PSMG2: variants seen among roughly 807,000 people sequenced by gnomAD.
PSMG2 encodes the protein CD40 ligand-activated specific transcript 3.
PSMG2 carries 21 observed loss-of-function variants against 31.5 expected under a neutral mutation model. That is an observed-to-expected ratio of 0.67 (90% CI 0.47 to 0.96). The LOEUF (loss-of-function observed/expected upper bound fraction) is 0.96. PSMG2 is among the 40% of genes least tolerant of loss of function. The probability of loss-of-function intolerance (pLI) is 0.00; values close to 1 mark genes in which losing one functional copy is unlikely to be tolerated. For synonymous variants in PSMG2, 120 were observed against 110.4 expected, an observed-to-expected ratio of 1.09 and a Z score of -0.54; for missense variants, 318 against 321.2, an observed-to-expected ratio of 0.99 and a Z score of 0.08.
chr18:12,695,851 T>C, intron 1 of PSMG2, among the ~76,000 whole-genome samples: 1 of 110,680 alleles, frequency 9.0e-6, no homozygotes. Context: ...TCATTCCTTC[T>C]CCACACACAC....
upstream of PSMG2, chr18:12,701,095 T>C (rs1214780685): frequency 6.2e-7 from 1 of 1,612,894 alleles, no homozygotes; most frequent in East Asian, 2.2e-5. Context: ...ATTTCTCTTA[T>C]TCTACCATGG....
intron 5 of PSMG2, 60 bp downstream of exon 5, chr18:12,720,743 T>A (rs2040423071): frequency 7.2e-6 from 11 of 1,520,726 alleles, no homozygotes. Flanking sequence ...ATTAATGCAG[T>A]GAGCTGAGAT....
At chr18:12,658,740 G>T (rs1190323073) in exon 1 of PSMG2, 2 of 399,634 alleles carry the variant, frequency 5.0e-6, no homozygotes, top group Non-Finnish European at 1.1e-5. Context: ...TTTCTTGCTG[G>T]TTGAATACCT....
At chr18:12,697,338 G>C (rs201817627) in intron 1 of PSMG2, 45 of 1,613,490 alleles carry the variant, frequency 2.8e-5, no homozygotes, top group Non-Finnish European at 3.6e-5. Flanking sequence ...TGTCTGTTTT[G>C]ATTAGCACCA....
chr18:12,680,325 G>A (rs966264307), intron 1 of PSMG2, among the ~76,000 whole-genome samples: 4 of 152,144 alleles, frequency 2.6e-5, no homozygotes, highest in African/African-American at 9.7e-5. Context: ...GCCGGACACA[G>A]TGGCTCACGC....
Position 12,709,007 on chromosome 18 carries a change from G to A in PSMG2, c.229+2286G>A, listed in dbSNP as rs538037509. On this transcript the variant is annotated intron_variant, in intron 2 of 6. Transcript: ENST00000317615. ...GATTACAGGTGTGAGGAGCAACTGCGCCCGGCCCCCGTAAACTTTATTTTA... is the reference window on the plus strand; with the variant it reads ...GATTACAGGTGTGAGGAGCAACTGCACCCGGCCCCCGTAAACTTTATTTTA... Among the ~76,000 whole-genome samples, 46 of 151,448 alleles carry A rather than the reference G, an allele frequency of 3.0e-4. No homozygotes were observed. The South Asian group carries it at 3.6e-3, about 12-fold the overall frequency.
At chr18:12,714,753 C>G (rs2040362427) in intron 3 of PSMG2, among the ~76,000 whole-genome samples, 1 of 151,912 alleles carries the variant, frequency 6.6e-6, no homozygotes, top group Non-Finnish European at 1.5e-5. Flanking sequence ...TCAGCTTCCC[C>G]AAAGTGCAAT....
chr18:12,674,649 A>C (rs1389283311), intron 1 of PSMG2: 1 of 1,613,918 alleles, frequency 6.2e-7, no homozygotes, highest in Non-Finnish European at 8.5e-7. Flanking sequence ...GAAATTCTTC[A>C]TTGCCTGCTG....
upstream of PSMG2, chr18:12,702,415 C>T: frequency 1.6e-6 from 2 of 1,234,498 alleles, no homozygotes; most frequent in Non-Finnish European, 2.4e-6. Context: ...GCTGTCGGCC[C>T]GGGGCCGCCG....
chr18:12,690,542 G>A lies in PSMG2; in HGVS notation c.-36-16008G>A, dbSNP rs1038769523. Among the ~76,000 whole-genome samples the A allele has an allele frequency of 2.3e-4, 35 of 151,280 alleles. No homozygotes were observed. In the Middle Eastern group the frequency reaches 0.01, roughly 44 times the overall value. On this transcript the variant is annotated intron_variant, in intron 1 of 6. Transcript: ENST00000585331. The stretch of plus-strand genomic sequence containing the variant: ...GCGATCTCGGCTCACTGCAAGCTCC[G>A]CCTCCCGGGTTCACGCCATTCTCCT...
At chr18:12,670,365 G>A (rs2038913569) in intron 1 of PSMG2, 1 of 152,062 alleles carries the variant, frequency 6.6e-6, no homozygotes, top group Non-Finnish European at 1.5e-5. Flanking sequence ...GACTTCTAGT[G>A]GTAAATGCAC....
rs142751556 is a variant in PSMG2, at chr18:12,692,477, A to G, written c.-36-14073A>G. On this transcript the variant is annotated intron_variant, in intron 1 of 6. Coordinates refer to the PSMG2 transcript ENST00000585331. ...AGCCACACAGGGCTTTCGGTCCTCC[A>G]TAGGGGCTTTTGTTCTAGGCTGTTC... Among the ~76,000 whole-genome samples the G allele has an allele frequency of 9.4e-3, 1,424 of 152,188 alleles. 29 individuals are homozygous for G. The highest frequency in any genetic ancestry group is 0.032 in the African/African-American group (1,312 of 41,514).
chr18:12,668,110 C>A (rs1255732776), intron 1 of PSMG2, among the ~76,000 whole-genome samples: 1 of 151,842 alleles, frequency 6.6e-6, no homozygotes, highest in Non-Finnish European at 1.5e-5. Flanking sequence ...ACGAAAAATA[C>A]AAAAATTAGC....
intron 1 of PSMG2, among the ~76,000 whole-genome samples, chr18:12,660,586 G>A (rs767247225): frequency 2.6e-5 from 4 of 152,076 alleles, no homozygotes; most frequent in Admixed American, 6.6e-5. Context: ...CTCCAAAAGC[G>A]CTGGGATTAC....
rs2039238394 is a variant in PSMG2 at position 12,678,798 on chromosome 18, A to C, written c.-37+20025A>C. Among the ~76,000 whole-genome samples the C allele has an allele frequency of 2.0e-5, 3 of 152,114 alleles. No homozygotes were observed. In the South Asian group the frequency reaches 6.2e-4, roughly 32 times the overall value. On this transcript the variant is annotated intron_variant, in intron 1 of 6. Coordinates refer to the PSMG2 transcript ENST00000585331. ...TGGTGAAACCCCGTCTCTGCTAAAAATACAAAAATTAGCTGGGCATGGGAG... is the reference window on the plus strand; with the variant it reads ...TGGTGAAACCCCGTCTCTGCTAAAACTACAAAAATTAGCTGGGCATGGGAG...
At chr18:12,717,482 C>T (rs1410118718) in intron 3 of PSMG2, among the ~76,000 whole-genome samples, 1 of 152,250 alleles carries the variant, frequency 6.6e-6, no homozygotes, top group East Asian at 1.9e-4. Context: ...TACACAGTTT[C>T]CTTCTTCGAA....
upstream of PSMG2, chr18:12,698,921 A>G: frequency 8.1e-7 from 1 of 1,231,754 alleles, no homozygotes. Context: ...TTATTGTTTC[A>G]CAATAAAACA....
intron 1 of PSMG2, chr18:12,691,390 T>G: frequency 6.2e-7 from 1 of 1,607,300 alleles, no homozygotes; most frequent in Non-Finnish European, 8.5e-7. Context: ...TCGTGAGTTG[T>G]GTGAGGGTCG....
At chr18:12,679,433 G>A (rs1263900200) in intron 1 of PSMG2, 1 of 152,036 alleles carries the variant, frequency 6.6e-6, no homozygotes, top group Non-Finnish European at 1.5e-5. Context: ...TAGCAGGCAC[G>A]AAGCACACTA....
Sources: gnomAD v4.1 joint callset for allele counts (sites outside exome capture counted in the v4.1 genomes callset) on GRCh38, gnomAD v4.1.1 for gene constraint, MANE v1.5 for transcripts, NCBI Gene and HGNC (gene_info 2026-07-23, HGNC 2026-07-21) for gene names.